The following AP3B1 variants were observed in gnomAD, a reference collection of about 807,000 sequenced individuals.
AP3B1 encodes the protein AP-3 complex subunit beta-1.
AP3B1 carries 61 observed loss-of-function variants against 132.5 expected under a neutral mutation model. That is an observed-to-expected ratio of 0.46 (90% CI 0.37 to 0.57). AP3B1 has a LOEUF of 0.57. Ranked by LOEUF, AP3B1 falls within the 20% of genes least tolerant of loss-of-function variation. AP3B1 has a pLI of 0.00. For missense variants in AP3B1, 1,120 were observed against 1,289.4 expected, an observed-to-expected ratio of 0.87 and a Z score of 2.01; for synonymous variants, 388 against 438.3, an observed-to-expected ratio of 0.89 and a Z score of 1.43.
chr5:78,141,429 ATG>A, intron 14 of AP3B1, 110 bp from the exon 15 acceptor site: 1 of 787,392 alleles, frequency 1.3e-6, no homozygotes, highest in East Asian at 2.7e-5. Flanking sequence ...AATTAATTTA[ATG>A]TATATCTAGG....
chr5:78,197,618 G>A (rs781412330), intron 7 of AP3B1, among the ~76,000 whole-genome samples: 1 of 152,252 alleles, frequency 6.6e-6, no homozygotes, highest in East Asian at 1.9e-4. Flanking sequence ...TTTTCAAAGA[G>A]ATCTTAAGAT....
At chr5:78,274,922 T>TA (rs111312994) in intron 1 of AP3B1, among the ~76,000 whole-genome samples, 9,891 of 135,130 alleles carry the variant, frequency 0.073, 877 homozygotes, top group African/African-American at 0.2. Flanking sequence ...ATCTTTTTTT[T>TA]AAAAAAAAAG....
chr5:78,277,527 G>C (rs1748833947), intron 1 of AP3B1, among the ~76,000 whole-genome samples: 1 of 152,238 alleles, frequency 6.6e-6, no homozygotes, highest in South Asian at 2.1e-4. Flanking sequence ...AAGTAAGACT[G>C]GGTGATCACA....
intron 23 of AP3B1, among the ~76,000 whole-genome samples, chr5:78,037,262 A>C (rs949786538): frequency 3.9e-5 from 6 of 152,206 alleles, no homozygotes; most frequent in African/African-American, 7.2e-5. Flanking sequence ...CAACCTTCAG[A>C]CAATTCATGT....
At chr5:78,193,770 A>ATATATATATTTTTTTTTTTT in intron 7 of AP3B1, among the ~76,000 whole-genome samples, 14 of 67,190 alleles carry the variant, frequency 2.1e-4, no homozygotes, top group East Asian at 6.7e-4. Context: ...ATATATATAT[A>ATATATATATTTTTTTTTTTT]TTTTTTTTTT....
At chr5:78,172,585 C>T (rs545235035) in intron 11 of AP3B1, among the ~76,000 whole-genome samples, 2 of 152,106 alleles carry the variant, frequency 1.3e-5, no homozygotes, top group African/African-American at 4.8e-5. Context: ...GGTGATATCT[C>T]CTTTATCATT....
chr5:78,193,768 A>AT lies in AP3B1; in HGVS notation c.787-12107dup, dbSNP rs748328573. ...TTTATATATATATATATATATATAT[A>AT]TATTTTTTTTTTAGACAGAGTCTCG... On this transcript the variant is annotated intron_variant, in intron 7 of 26. Coordinates refer to ENST00000255194, the MANE Select transcript of AP3B1 (RefSeq NM_003664.5). Among the ~76,000 whole-genome samples, 36 of 66,668 alleles carry AT rather than the reference A, an allele frequency of 5.4e-4. 1 individual carries two copies. Among genetic ancestry groups the AT allele is most frequent in the African/African-American group, 1.8e-3 (30 of 16,620 alleles). 43.7% of individuals were successfully genotyped at this position (66,668 alleles called of 152,430 possible).
rs190330844 is a variant in AP3B1 at position 78,118,043 on chromosome 5, C to G, written c.1969-1809G>C. Among the ~76,000 whole-genome samples the G allele has an allele frequency of 1.4e-3, 209 of 152,244 alleles. 1 individual carries two copies. Among genetic ancestry groups the G allele is most frequent in the Admixed American group, 4.4e-3 (67 of 15,282 alleles). On this transcript the variant is annotated intron_variant, in intron 17 of 26. Coordinates refer to ENST00000255194, the MANE Select transcript of AP3B1 (RefSeq NM_003664.5). Reference sequence around the variant, plus strand: ...AGAATGTTTCTCAGCACTGAATGTACAATAGAATCACCTGAGAATAGTTTT... The same window carrying G: ...AGAATGTTTCTCAGCACTGAATGTAGAATAGAATCACCTGAGAATAGTTTT...
chr5:78,182,860 G>C (rs1744427208), intron 7 of AP3B1, among the ~76,000 whole-genome samples: 1 of 152,220 alleles, frequency 6.6e-6, no homozygotes, highest in Non-Finnish European at 1.5e-5. Flanking sequence ...AGATGGGATT[G>C]AGAGTTTCAT....
chr5:78,245,085 G>C (rs1445684932), intron 2 of AP3B1, among the ~76,000 whole-genome samples: 5 of 152,132 alleles, frequency 3.3e-5, no homozygotes, highest in African/African-American at 1.2e-4. Context: ...ACAAAGGATT[G>C]AGAAGAGACA....
intron 7 of AP3B1, among the ~76,000 whole-genome samples, chr5:78,201,112 A>G (rs998731474): frequency 2.6e-5 from 4 of 152,184 alleles, no homozygotes; most frequent in Non-Finnish European, 5.9e-5. Flanking sequence ...CAACACCTTG[A>G]GATCTTGCAC....
chr5:78,039,547 G>T (rs935983479), intron 22 of AP3B1, among the ~76,000 whole-genome samples: 3 of 152,016 alleles, frequency 2.0e-5, no homozygotes, highest in Admixed American at 2.0e-4. Context: ...AGGCCGAGAC[G>T]GGGAGATCAC....
intron 7 of AP3B1, among the ~76,000 whole-genome samples, chr5:78,196,402 AC>A (rs1745078213): frequency 6.6e-6 from 1 of 152,220 alleles, no homozygotes; most frequent in Non-Finnish European, 1.5e-5. Context: ...AGTGACAGGA[AC>A]TCTCATTCAT....
At chr5:78,027,199 T>A (rs1747372628) in intron 24 of AP3B1, among the ~76,000 whole-genome samples, 1 of 151,820 alleles carries the variant, frequency 6.6e-6, no homozygotes. Flanking sequence ...TTATCTATAC[T>A]ATATTTAAAT....
intron 8 of AP3B1, among the ~76,000 whole-genome samples, chr5:78,178,887 TAA>T (rs531635393): frequency 6.7e-6 from 1 of 148,886 alleles, no homozygotes; most frequent in Non-Finnish European, 1.5e-5. Context: ...TGTTTGAGGT[TAA>T]AAAAAAAAGT....
In AP3B1 at chr5:78,156,319, A is replaced by G; in HGVS notation, c.1412T>C (p.Met471Thr). The G allele has an allele frequency of 6.2e-7, 1 of 1,613,820 alleles. No individual in the cohort carries two copies. Among genetic ancestry groups the G allele is most frequent in the South Asian group, 1.1e-5 (1 of 91,082 alleles). Residue 471 changes from methionine (M) to threonine (T), a missense_variant, in exon 14 of 27, where the codon ATG becomes ACG. This residue lies in a region of AP3B1 where 906 missense variants were observed against 997.1 expected (regional missense o/e 0.91). Coordinates refer to ENST00000255194, the MANE Select transcript of AP3B1 (RefSeq NM_003664.5). ...SVVVIKKLLQ[M>T]QPAQHGEIIK... is the part of the protein sequence containing the mutation. The stretch of plus-strand genomic sequence containing the variant: ...AATTTCACCATGTTGTGCAGGTTGC[A>G]TTTGCAGTAATTTCTTTATAACAAC...
chr5:78,234,431 G>A (rs569560588), intron 3 of AP3B1, among the ~76,000 whole-genome samples: 20 of 152,174 alleles, frequency 1.3e-4, no homozygotes, highest in East Asian at 7.7e-4. Context: ...TTTTAGAAGC[G>A]CTTCTCTAAC....
chr5:78,180,248 G>C (rs779756050), intron 8 of AP3B1, among the ~76,000 whole-genome samples: 24 of 152,040 alleles, frequency 1.6e-4, no homozygotes, highest in Non-Finnish European at 2.4e-4. Flanking sequence ...GATATACAAA[G>C]CTGTAAGCTC....
intron 11 of AP3B1, among the ~76,000 whole-genome samples, chr5:78,168,406 T>C (rs898209198): frequency 2.5e-4 from 38 of 151,882 alleles, no homozygotes; most frequent in Non-Finnish European, 2.9e-5. Context: ...AATTTTTTTG[T>C]AGGGACGGAG....
Sources: gnomAD v4.1 joint callset for allele counts (sites outside exome capture counted in the v4.1 genomes callset) on GRCh38, gnomAD v4.1.1 for gene constraint, gnomAD v4.1.1 regional missense constraint, MANE v1.5 for transcripts, NCBI Gene and HGNC (gene_info 2026-07-23, HGNC 2026-07-21) for gene names.